PARD3B: variants seen among roughly 807,000 people sequenced by gnomAD.
The protein encoded by PARD3B is par-3 family cell polarity regulator beta.
Under a neutral mutation model 130.2 loss-of-function variants are expected in PARD3B, and 103 were observed. That is an observed-to-expected ratio of 0.79 (90% CI 0.67 to 0.93). The LOEUF (loss-of-function observed/expected upper bound fraction) is 0.93, where lower values mean the gene tolerates loss of function less well. PARD3B is among the 40% of genes least tolerant of loss of function. PARD3B has a pLI of 0.00. For missense variants in PARD3B, 1,609 were observed against 1,499.2 expected (o/e 1.07, Z -1.21); for synonymous variants, 583 against 553.2 (o/e 1.05, Z -0.76).
At chr2:204,813,427 C>G (rs2043033395) in intron 2 of PARD3B, among the ~76,000 whole-genome samples, 1 of 151,940 alleles carries the variant, frequency 6.6e-6, no homozygotes, top group Non-Finnish European at 1.5e-5. Context: ...TGAGTACAGG[C>G]CTTTATTTGA....
chr2:204,663,335 G>C (rs1214872508), intron 1 of PARD3B, among the ~76,000 whole-genome samples: 1 of 152,156 alleles, frequency 6.6e-6, no homozygotes, highest in Non-Finnish European at 1.5e-5. Flanking sequence ...TTAGTGCCAT[G>C]ACAGTGAGAA....
At position 205,292,694 on chromosome 2, in the gene PARD3B, C is replaced by T. The variant is rs2041652645; in HGVS notation, c.2186-7836C>T. ...TAAGTTATTTTATCCTGCCCATCCT[C>T]CCACCTTTTTTTCTAGTTTTCTCTC... On this transcript the variant is annotated intron_variant, in intron 16 of 22. Transcript: ENST00000406610. The surrounding 1 kb of genome is among the most constrained non-coding windows in gnomAD (Gnocchi z 5.3). Among the ~76,000 whole-genome samples, 1 of 152,154 alleles carries T rather than the reference C, an allele frequency of 6.6e-6. No individual in the cohort carries two copies. The highest frequency in any genetic ancestry group is 2.4e-5 in the African/African-American group (1 of 41,436).
chr2:204,931,620 A>G lies in PARD3B; in HGVS notation c.223-33532A>G, dbSNP rs147651053. Among the ~76,000 whole-genome samples the G allele has an allele frequency of 1.6e-3, 241 of 151,932 alleles. 1 individual carries two copies. The highest frequency in any genetic ancestry group is 5.5e-3 in the African/African-American group (227 of 41,468). ...ATTGTTTTTTTTTTTTCTCCTAAGG[A>G]AAAAAATAGTATTGGCAAGCTTTCC... On this transcript the variant is annotated intron_variant, in intron 2 of 22. Transcript: ENST00000406610.
At chr2:205,471,605 C>T (rs377149079) in intron 20 of PARD3B, among the ~76,000 whole-genome samples, 3 of 152,152 alleles carry the variant, frequency 2.0e-5, no homozygotes, top group East Asian at 3.9e-4. Flanking sequence ...TCAGGTGATC[C>T]ACCTGCCTTG....
At chr2:204,727,311 C>T (rs1479062202) in intron 2 of PARD3B, among the ~76,000 whole-genome samples, 2 of 152,188 alleles carry the variant, frequency 1.3e-5, no homozygotes, top group Non-Finnish European at 2.9e-5. Context: ...AATAGACTTA[C>T]ACTCCTTTAG....
chr2:205,243,162 G>A (rs368280251), intron 15 of PARD3B, among the ~76,000 whole-genome samples: 11 of 150,768 alleles, frequency 7.3e-5, no homozygotes, highest in South Asian at 2.1e-4. Context: ...GCGAAACTCC[G>A]TCTCAAAAAA....
At chr2:204,877,178 G>A (rs777024790) in intron 2 of PARD3B, among the ~76,000 whole-genome samples, 1 of 152,086 alleles carries the variant, frequency 6.6e-6, no homozygotes, top group Non-Finnish European at 1.5e-5. Context: ...TCACTCATAG[G>A]TGGGAACTGA....
In PARD3B at chr2:205,530,797, A is replaced by G. The variant is rs1306082914; in HGVS notation, c.3181-22527A>G. On this transcript the variant is annotated intron_variant, in intron 21 of 22. Transcript: ENST00000406610. The surrounding 1 kb of genome is among the most constrained non-coding windows in gnomAD (Gnocchi z 4.7). ...TTGGCCACACAGATACTCATGCTGG[A>G]CGATTCAAGAAGATGAAATGGGGAA... 6.6e-6 allele frequency among the ~76,000 whole-genome samples: 1 copy of G among 152,242 alleles called. No individual in the cohort carries two copies. The highest frequency in any genetic ancestry group is 2.4e-5 in the African/African-American group (1 of 41,464).
chr2:205,078,773 A>T lies in PARD3B; in HGVS notation c.505-25653A>T, dbSNP rs1312415425. On this transcript the variant is annotated intron_variant, in intron 4 of 22. Transcript: ENST00000406610. This position sits in a 1 kb window ranked among gnomAD's most constrained non-coding sequence, Gnocchi z 4.0. ...AGAAAAGGCTATACCTGTGGCTTCC[A>T]TCTGATTCCCTTGGGCATTTGCTCT... 1.2e-4 allele frequency among the ~76,000 whole-genome samples: 18 copies of T among 152,194 alleles called. No homozygotes were observed. Among genetic ancestry groups the T allele is most frequent in the Non-Finnish European group, 2.9e-5 (2 of 68,032 alleles).
chr2:205,285,981 A>AT (rs2041381173), intron 16 of PARD3B, among the ~76,000 whole-genome samples: 1 of 152,166 alleles, frequency 6.6e-6, no homozygotes, highest in African/African-American at 2.4e-5. Flanking sequence ...AGCTTTGTGA[A>AT]TTTTTTGTAC....
chr2:204,812,047 C>T (rs2042980289), intron 2 of PARD3B, among the ~76,000 whole-genome samples: 1 of 152,114 alleles, frequency 6.6e-6, no homozygotes, highest in African/African-American at 2.4e-5. Context: ...CTCCCATGCA[C>T]CCTTCCAATC....
intron 5 of PARD3B, among the ~76,000 whole-genome samples, chr2:205,110,872 T>C (rs1013472064): frequency 6.6e-6 from 1 of 152,130 alleles, no homozygotes; most frequent in Non-Finnish European, 1.5e-5. Context: ...TTCATGTCTT[T>C]GTAAAATCTC....
rs766176247 is a variant in PARD3B, at chr2:205,281,705, G to A, written c.2186-18825G>A. Among the ~76,000 whole-genome samples, 4 of 152,160 alleles carry A rather than the reference G, an allele frequency of 2.6e-5. No homozygotes were observed. The highest frequency in any genetic ancestry group is 7.2e-5 in the African/African-American group (3 of 41,426). ...CACTCGGAAGGCAGGCAACTGTTTTGTATCAATCAGCAAATCAAAGCCATT... is the reference window on the plus strand; with the variant it reads ...CACTCGGAAGGCAGGCAACTGTTTTATATCAATCAGCAAATCAAAGCCATT... On this transcript the variant is annotated intron_variant, in intron 16 of 22. Transcript: ENST00000406610. This position sits in a 1 kb window ranked among gnomAD's most constrained non-coding sequence, Gnocchi z 4.2.
rs1351466084 is a variant in PARD3B at position 205,281,261 on chromosome 2, A to G, written c.2186-19269A>G. On this transcript the variant is annotated intron_variant, in intron 16 of 22. Coordinates refer to ENST00000406610, the MANE Select transcript of PARD3B (RefSeq NM_001302769.2). This position sits in a 1 kb window ranked among gnomAD's most constrained non-coding sequence, Gnocchi z 4.2. ...AAAGGGTTGGGGATGATCATGTTAAATAAACATCTACTTTAGCATCTCAGG... is the reference window on the plus strand; with the variant it reads ...AAAGGGTTGGGGATGATCATGTTAAGTAAACATCTACTTTAGCATCTCAGG... Among the ~76,000 whole-genome samples the G allele has an allele frequency of 6.6e-6, 1 of 152,220 alleles. No individual in the cohort carries two copies. The highest frequency in any genetic ancestry group is 1.5e-5 in the Non-Finnish European group (1 of 68,040).
intron 2 of PARD3B, among the ~76,000 whole-genome samples, chr2:204,766,781 A>C (rs2041167850): frequency 6.8e-6 from 1 of 146,442 alleles, no homozygotes; most frequent in African/African-American, 2.5e-5. Context: ...AAAGCTTATG[A>C]AGTTGAAATA....
chr2:204,584,514 A>G (rs1339255302), intron 1 of PARD3B, among the ~76,000 whole-genome samples: 3 of 152,212 alleles, frequency 2.0e-5, no homozygotes, highest in Non-Finnish European at 2.9e-5. Context: ...TAGAAAATGT[A>G]AGAATACACA....
intron 5 of PARD3B, among the ~76,000 whole-genome samples, chr2:205,111,715 A>T (rs1052200761): frequency 1.3e-5 from 2 of 152,102 alleles, no homozygotes; most frequent in East Asian, 1.9e-4. Context: ...GCATGTGGAT[A>T]CTTGATACAT....
chr2:205,132,684 A>T (rs2032113114), intron 10 of PARD3B, among the ~76,000 whole-genome samples: 1 of 152,190 alleles, frequency 6.6e-6, no homozygotes, highest in Non-Finnish European at 1.5e-5. Context: ...AGTCCTTAAG[A>T]TGCCACATTT....
chr2:204,881,364 G>A (rs186966302), intron 2 of PARD3B, among the ~76,000 whole-genome samples: 5 of 152,116 alleles, frequency 3.3e-5, no homozygotes, highest in African/African-American at 1.2e-4. Context: ...AGATCTACAC[G>A]TTGATAAATC....
Sources: allele counts gnomAD v4.1 joint callset (sites outside exome capture counted in the v4.1 genomes callset), GRCh38; gene constraint gnomAD v4.1.1; non-coding constraint Gnocchi (gnomAD v3.1); transcripts MANE v1.5; gene names NCBI Gene and HGNC (gene_info 2026-07-23, HGNC 2026-07-21).